Variants in SLC24A4 observed in about 807,000 individuals in gnomAD.
SLC24A4 encodes solute carrier family 24 member 4, also known as sodium/potassium/calcium exchanger 4.
Under a neutral mutation model 79.0 loss-of-function variants are expected in SLC24A4, and 53 were observed. That is an observed-to-expected ratio of 0.67 (90% confidence interval 0.54 to 0.84). The LOEUF (loss-of-function observed/expected upper bound fraction) is 0.84. SLC24A4 is among the 40% of genes least tolerant of loss of function. The pLI is 0.00. For synonymous variants in SLC24A4, 323 were observed against 323.8 expected (o/e 1.00, Z 0.03); for missense variants, 731 against 822.0 (o/e 0.89, Z 1.35).
chr14:92,423,306 G>A (rs891685248), intron 2 of SLC24A4, among the ~76,000 whole-genome samples: 5 of 151,586 alleles, frequency 3.3e-5, no homozygotes, highest in African/African-American at 1.2e-4. Flanking sequence ...GACCATGCCT[G>A]GCTAATTTTT....
At chr14:92,492,333 C>T in intron 16 of SLC24A4, 93 bp downstream of exon 16, 4 of 1,214,444 alleles carry the variant, frequency 3.3e-6, no homozygotes, top group Non-Finnish European at 3.6e-6. Flanking sequence ...ACACCCCTGT[C>T]ACTTCCCTTG....
At chr14:92,358,372 C>T (rs1000990862) in intron 2 of SLC24A4, among the ~76,000 whole-genome samples, 1 of 152,114 alleles carries the variant, frequency 6.6e-6, no homozygotes, top group Non-Finnish European at 1.5e-5. Flanking sequence ...TGTTAGAGAG[C>T]ACAAGTGGAA....
intron 12 of SLC24A4, among the ~76,000 whole-genome samples, chr14:92,481,689 A>G (rs1410470440): frequency 6.6e-6 from 1 of 152,234 alleles, no homozygotes; most frequent in African/African-American, 2.4e-5. Context: ...TGTTCTTACT[A>G]AGGTCCAACT....
At position 92,490,105 on chromosome 14, in the gene SLC24A4, C is replaced by T. The variant is rs575539079; in HGVS notation, c.1538-1560C>T. Among the ~76,000 whole-genome samples, 9 of 152,234 alleles carry T rather than the reference C, an allele frequency of 5.9e-5. No individual in the cohort carries two copies. Among genetic ancestry groups the T allele is most frequent in the South Asian group, 2.1e-4 (1 of 4,828 alleles). ...AGGTGACCTAGCTATGCAACATGGG[C>T]GGGCTGGCAGTCGAACAGAGATGGG... On this transcript the variant is annotated intron_variant, in intron 14 of 16. Coordinates refer to ENST00000532405, the MANE Select transcript of SLC24A4 (RefSeq NM_153646.4). This position sits in a 1 kb window ranked among gnomAD's most constrained non-coding sequence, Gnocchi z 4.3.
At chr14:92,392,337 C>T (rs1055237453) in intron 2 of SLC24A4, among the ~76,000 whole-genome samples, 1 of 151,660 alleles carries the variant, frequency 6.6e-6, no homozygotes, top group Non-Finnish European at 1.5e-5. Context: ...CTCCTGGGTC[C>T]CCGGATTTTG....
intron 2 of SLC24A4, among the ~76,000 whole-genome samples, chr14:92,348,069 G>A (rs1287935350): frequency 2.6e-5 from 4 of 152,306 alleles, no homozygotes; most frequent in Admixed American, 2.6e-4. Context: ...TGGCAACCCT[G>A]ACATCCCCAC....
intron 2 of SLC24A4, among the ~76,000 whole-genome samples, chr14:92,400,234 A>T (rs892519294): frequency 2.6e-5 from 4 of 152,054 alleles, no homozygotes; most frequent in Non-Finnish European, 4.4e-5. Flanking sequence ...AGGTCAGGAG[A>T]TCGAGAACAT....
chr14:92,374,340 T>C (rs1888378740), intron 2 of SLC24A4, among the ~76,000 whole-genome samples: 3 of 152,150 alleles, frequency 2.0e-5, no homozygotes, highest in Non-Finnish European at 4.4e-5. Flanking sequence ...TGTCCCTAGG[T>C]CCTCCAGGCA....
At position 92,493,776 on chromosome 14, in the gene SLC24A4, T is replaced by G; in HGVS notation, c.*148T>G. 1.0e-6 allele frequency: 1 copy of G among 977,242 alleles called. No individual in the cohort carries two copies. Among genetic ancestry groups the G allele is most frequent in the Non-Finnish European group, 1.5e-6 (1 of 676,538 alleles). The allele number at this position is 977,242 out of a possible 1,614,324, so 60.5% of individuals were successfully genotyped here. ...CTGGAAGGAAGAGCCATCGTGGTCT[T>G]TGTCTGGCCACAGGCCAGGCTGCTG... On this transcript the variant is annotated 3_prime_UTR_variant, in exon 17 of 17. Transcript: ENST00000532405.
At chr14:92,407,778 A>G (rs1342952383) in intron 2 of SLC24A4, among the ~76,000 whole-genome samples, 1 of 151,996 alleles carries the variant, frequency 6.6e-6, no homozygotes, top group African/African-American at 2.4e-5. Context: ...CCTTCCTCCA[A>G]TTCGGCATGA....
rs1344365121 is a variant in SLC24A4, at chr14:92,468,892, C to CCGTG, written c.1255+12284_1255+12285insCGTG. Among the ~76,000 whole-genome samples, 240 of 81,480 alleles carry CCGTG rather than the reference C, an allele frequency of 2.9e-3. 1 individual carries two copies. The highest frequency in any genetic ancestry group is 7.2e-3 in the African/African-American group (228 of 31,764). The allele number at this position is 81,480 out of a possible 152,430, so 53.5% of individuals were successfully genotyped here. On this transcript the variant is annotated intron_variant, in intron 12 of 16. Coordinates refer to ENST00000532405, the MANE Select transcript of SLC24A4 (RefSeq NM_153646.4). ...GAGAAAACATTTGCAAATCATGTATCTGTGTGTGTGTGTGTGTGTGTGTGT... is the reference window on the plus strand; with the variant it reads ...GAGAAAACATTTGCAAATCATGTATCCGTGTGTGTGTGTGTGTGTGTGTGTGTGT...
intron 2 of SLC24A4, among the ~76,000 whole-genome samples, chr14:92,377,592 A>G (rs1437705062): frequency 1.3e-5 from 2 of 152,178 alleles, no homozygotes; most frequent in Admixed American, 1.3e-4. Flanking sequence ...GGGAGGGTCC[A>G]CTCAGAGGGA....
chr14:92,484,338 C>T (rs1895241156), intron 13 of SLC24A4: 2 of 985,280 alleles, frequency 2.0e-6, no homozygotes, highest in African/African-American at 1.7e-5. Context: ...CTTACTCATG[C>T]AGCAGCCCTC....
chr14:92,460,858 G>A (rs1893760629), intron 12 of SLC24A4, among the ~76,000 whole-genome samples: 1 of 152,200 alleles, frequency 6.6e-6, no homozygotes, highest in Non-Finnish European at 1.5e-5. Context: ...GGTGGAGCCC[G>A]GCAGCATCAG....
chr14:92,341,468 G>C (rs1185934784), intron 2 of SLC24A4, among the ~76,000 whole-genome samples: 1 of 152,178 alleles, frequency 6.6e-6, no homozygotes, highest in Non-Finnish European at 1.5e-5. Flanking sequence ...GCGATTAATG[G>C]AGTAGATAGA....
chr14:92,357,545 T>C (rs1887248532), intron 2 of SLC24A4, among the ~76,000 whole-genome samples: 2 of 152,182 alleles, frequency 1.3e-5, no homozygotes, highest in Admixed American at 6.5e-5. Flanking sequence ...CATGCTACAA[T>C]GTGGATGAAC....
chr14:92,365,924 T>C (rs530089181), intron 2 of SLC24A4, among the ~76,000 whole-genome samples: 124 of 152,210 alleles, frequency 8.1e-4, no homozygotes, highest in Non-Finnish European at 1.4e-3. Context: ...CACTCCATGC[T>C]GCGTGTACTA....
At chr14:92,369,757 T>C (rs1421930138) in intron 2 of SLC24A4, among the ~76,000 whole-genome samples, 5 of 152,186 alleles carry the variant, frequency 3.3e-5, no homozygotes, top group Non-Finnish European at 7.3e-5. Flanking sequence ...TTTTTAGCAG[T>C]ATCCCTGGCT....
At chr14:92,422,842 G>T (rs866972035) in intron 2 of SLC24A4, among the ~76,000 whole-genome samples, 1 of 152,150 alleles carries the variant, frequency 6.6e-6, no homozygotes, top group African/African-American at 2.4e-5. Context: ...TTGCGACAGG[G>T]TCTCACTGTC....
Sources: allele counts gnomAD v4.1 joint callset (sites outside exome capture counted in the v4.1 genomes callset), GRCh38; gene constraint gnomAD v4.1.1; non-coding constraint Gnocchi (gnomAD v3.1); transcripts MANE v1.5; gene names NCBI Gene and HGNC (gene_info 2026-07-23, HGNC 2026-07-21).